The following NRXN3 variants were observed in gnomAD, a reference collection of about 807,000 sequenced individuals.
NRXN3 encodes neurexin 3, also known as neurexin III.
A neutral mutation model predicts 137.6 loss-of-function variants in NRXN3; 32 were observed. That is an observed-to-expected ratio of 0.23 (90% CI 0.18 to 0.31). The LOEUF (loss-of-function observed/expected upper bound fraction) is 0.31. NRXN3 is among the 10% of genes least tolerant of loss of function. The probability of loss-of-function intolerance (pLI) is 1.00; values close to 1 mark genes in which losing one functional copy is unlikely to be tolerated. For missense variants in NRXN3, 1,574 were observed against 2,062.5 expected (o/e 0.76, Z 4.59); for synonymous variants, 798 against 784.5 (o/e 1.02, Z -0.29).
At chr14:79,485,384 T>C (rs964944203) in intron 16 of NRXN3, among the ~76,000 whole-genome samples, 1 of 152,190 alleles carries the variant, frequency 6.6e-6, no homozygotes, top group East Asian at 1.9e-4. Context: ...AATTTTTTTC[T>C]TCCATTGCTT....
intron 20 of NRXN3, chr14:79,854,168 T>C (rs944135196): frequency 5.8e-5 from 57 of 982,782 alleles, no homozygotes; most frequent in Non-Finnish European, 6.5e-5. Flanking sequence ...CACAACTTTC[T>C]TTTGTAAATT....
chr14:78,774,336 C>A (rs2098738354), intron 8 of NRXN3, among the ~76,000 whole-genome samples: 1 of 151,984 alleles, frequency 6.6e-6, no homozygotes, highest in East Asian at 1.9e-4. Context: ...TCTAATATCC[C>A]AAGATAAATG....
chr14:78,940,786 A>G (rs1251731523), intron 10 of NRXN3, among the ~76,000 whole-genome samples: 1 of 152,182 alleles, frequency 6.6e-6, no homozygotes, highest in Non-Finnish European at 1.5e-5. Context: ...TAAATCACTT[A>G]AATATGTTTT....
intron 17 of NRXN3, among the ~76,000 whole-genome samples, chr14:79,664,517 G>A (rs759466856): frequency 6.6e-6 from 1 of 152,108 alleles, no homozygotes; most frequent in Admixed American, 6.6e-5. Flanking sequence ...GATATTCAAA[G>A]GTTGGTCCTA....
intron 4 of NRXN3, among the ~76,000 whole-genome samples, chr14:78,580,806 G>T (rs536020635): frequency 6.6e-6 from 1 of 152,196 alleles, no homozygotes; most frequent in South Asian, 2.1e-4. Context: ...CTTCTTTGGG[G>T]CCAGGCCAGG....
At chr14:78,936,568 T>C (rs2099339758) in intron 10 of NRXN3, among the ~76,000 whole-genome samples, 2 of 152,228 alleles carry the variant, frequency 1.3e-5, no homozygotes, top group South Asian at 2.1e-4. Context: ...AGAAAACTTT[T>C]GAGGATAATG....
chr14:78,916,712 C>A (rs1332638570), intron 10 of NRXN3, among the ~76,000 whole-genome samples: 1 of 152,210 alleles, frequency 6.6e-6, no homozygotes, highest in Admixed American at 6.5e-5. Context: ...GCATACCTCA[C>A]GTACTAGTTT....
intron 10 of NRXN3, among the ~76,000 whole-genome samples, chr14:78,945,527 G>A (rs1344159779): frequency 6.6e-6 from 1 of 152,132 alleles, no homozygotes; most frequent in Non-Finnish European, 1.5e-5. Context: ...GGCTAATGGA[G>A]GCTGTATAGT....
chr14:79,052,445 C>A lies in NRXN3; in HGVS notation c.3262+64304C>A, dbSNP rs2099643304. Among the ~76,000 whole-genome samples the A allele has an allele frequency of 2.0e-5, 3 of 152,198 alleles. 1 individual carries two copies. The South Asian group carries it at 6.2e-4, about 31-fold the overall frequency. ...CGGATCTCATTTACAGATTCCAAAA[C>A]CCCTCGCAGTTACACTGGACTGATT... On this transcript the variant is annotated intron_variant, in intron 15 of 20. Transcript: ENST00000335750.
intron 17 of NRXN3, chr14:79,669,118 T>C (rs1303829671): frequency 6.6e-6 from 1 of 152,120 alleles, no homozygotes; most frequent in African/African-American, 2.4e-5. Context: ...ATTTGAAGCA[T>C]GCATTAAAAC....
intron 16 of NRXN3, among the ~76,000 whole-genome samples, chr14:79,617,455 CAA>C (rs991626732): frequency 2.8e-4 from 42 of 152,024 alleles, no homozygotes; most frequent in Non-Finnish European, 4.9e-4. Flanking sequence ...CACTAAATTT[CAA>C]GAGAGCAGTT....
At position 79,466,272 on chromosome 14, in the gene NRXN3, C is replaced by CA. The variant is rs554114481; in HGVS notation, c.3263-941dup. ...CCAGATAAATACCACCACTAGGGAA[C>CA]AAAAAAAAGGTCCATTTTTAAAGGA... On this transcript the variant is annotated intron_variant, in intron 15 of 20. Coordinates refer to ENST00000335750, the MANE Select transcript of NRXN3 (RefSeq NM_001330195.2). Among the ~76,000 whole-genome samples, 1,041 of 151,630 alleles carry CA rather than the reference C, an allele frequency of 6.9e-3. 8 individuals are homozygous for CA. Among genetic ancestry groups the CA allele is most frequent in the African/African-American group, 0.022 (897 of 41,364 alleles).
intron 15 of NRXN3, among the ~76,000 whole-genome samples, chr14:79,411,388 T>A (rs1241238926): frequency 6.6e-6 from 1 of 152,116 alleles, no homozygotes; most frequent in Non-Finnish European, 1.5e-5. Flanking sequence ...AACCCTGCAA[T>A]CATCCTACAT....
At chr14:78,823,443 C>T (rs2098957001) in intron 10 of NRXN3, among the ~76,000 whole-genome samples, 1 of 152,196 alleles carries the variant, frequency 6.6e-6, no homozygotes, top group Admixed American at 6.5e-5. Context: ...GGGGTTACCA[C>T]CTAGATGAAA....
At position 79,237,010 on chromosome 14, in the gene NRXN3, C is replaced by A. The variant is rs936904127; in HGVS notation, c.3263-230211C>A. 1.4e-4 allele frequency among the ~76,000 whole-genome samples: 22 copies of A among 151,860 alleles called. No individual in the cohort carries two copies. The East Asian group carries it at 3.1e-3, about 21-fold the overall frequency. On this transcript the variant is annotated intron_variant, in intron 15 of 20. Transcript: ENST00000335750. ...GTCATTTATTTCTGTTAAAAAAATT[C>A]ACTGCTTGCAAACATGTACATATAT...
At chr14:78,734,236 CA>C (rs1352941098) in intron 8 of NRXN3, among the ~76,000 whole-genome samples, 5 of 151,806 alleles carry the variant, frequency 3.3e-5, no homozygotes, top group Admixed American at 6.6e-5. Context: ...CACACACACA[CA>C]CACACACACA....
rs899734235 is a variant in NRXN3, at chr14:79,261,589, A to G, written c.3263-205632A>G. On this transcript the variant is annotated intron_variant, in intron 15 of 20. Coordinates refer to ENST00000335750, the MANE Select transcript of NRXN3 (RefSeq NM_001330195.2). Reference sequence around the variant, plus strand: ...TGGTGAGTGAGATGAAATCCCACAGATAAGAAAGGTGCTGTGTGTGTGTGT... The same window carrying G: ...TGGTGAGTGAGATGAAATCCCACAGGTAAGAAAGGTGCTGTGTGTGTGTGT... 1.2e-4 allele frequency among the ~76,000 whole-genome samples: 15 copies of G among 128,688 alleles called. No individual in the cohort carries two copies. In the East Asian group the frequency reaches 1.3e-3, roughly 12 times the overall value. 84.4% of individuals were successfully genotyped at this position (128,688 alleles called of 152,430 possible). A position where few individuals can be genotyped will look rare whatever the true frequency, so the allele number is the denominator to read the frequency against.
chr14:79,126,290 G>A (rs999190204), intron 15 of NRXN3, among the ~76,000 whole-genome samples: 1 of 151,728 alleles, frequency 6.6e-6, no homozygotes, highest in Non-Finnish European at 1.5e-5. Context: ...TCGTCATCTA[G>A]CATTAGGTAT....
At chr14:78,419,954 C>CAT (rs1555518536) in intron 4 of NRXN3, among the ~76,000 whole-genome samples, 9 of 15,702 alleles carry the variant, frequency 5.7e-4, no homozygotes, top group Admixed American at 1.6e-3. Context: ...TGCGCGCGCG[C>CAT]GCGCACGCAC....
Sources: allele counts gnomAD v4.1 joint callset (sites outside exome capture counted in the v4.1 genomes callset), GRCh38; gene constraint gnomAD v4.1.1; transcripts MANE v1.5; gene names NCBI Gene and HGNC (gene_info 2026-07-23, HGNC 2026-07-21).